The following GPC3 variants were observed in gnomAD, a reference collection of about 807,000 sequenced individuals.
GPC3 encodes glypican-3.
Under a neutral mutation model 34.4 loss-of-function variants are expected in GPC3, and 3 were observed. The ratio of observed to expected loss-of-function variants is 0.09; its 90% CI spans 0.04 to 0.23. The LOEUF is 0.23. Among genes scored for constraint, GPC3 ranks in the 10% least tolerant of loss-of-function variants. GPC3 has a pLI of 1.00. For synonymous variants in GPC3, 177 were observed against 174.0 expected (o/e 1.02, Z -0.13); for missense variants, 351 against 445.6 (o/e 0.79, Z 1.91).
chrX:133,872,002 G>A (rs1041328620), intron 2 of GPC3, among the ~76,000 whole-genome samples: 1 of 111,123 alleles, frequency 9.0e-6, no homozygotes, highest in Non-Finnish European at 1.9e-5. Flanking sequence ...GGAGTAGAGT[G>A]GCACAATCAT....
intron 2 of GPC3, among the ~76,000 whole-genome samples, chrX:133,889,831 C>CTTTTTTTTTTTTTTTTTT (rs781203121): frequency 2.6e-5 from 2 of 75,805 alleles, no homozygotes; most frequent in African/African-American, 9.6e-5. Flanking sequence ...TTCTAGCCTT[C>CTTTTTTTTTTTTTTTTTT]TTTTTTTTTT....
intron 5 of GPC3, among the ~76,000 whole-genome samples, chrX:133,667,411 T>C (rs963909550): frequency 3.6e-5 from 4 of 111,908 alleles, no homozygotes; most frequent in African/African-American, 1.3e-4. Context: ...AAGAGTTATG[T>C]TGGCAATCAC....
intron 2 of GPC3, among the ~76,000 whole-genome samples, chrX:133,929,151 T>A (rs1447653708): frequency 2.7e-5 from 3 of 111,920 alleles, no homozygotes; most frequent in African/African-American, 9.7e-5. Flanking sequence ...AATTTAATTC[T>A]TTTGCATGTG....
chrX:133,953,369 A>G (rs1017670483), intron 1 of GPC3, among the ~76,000 whole-genome samples, 158 bp from the exon 2 acceptor site: 1 of 110,525 alleles, frequency 9.0e-6, no homozygotes, highest in East Asian at 2.8e-4. Flanking sequence ...ATTATTCAAA[A>G]TTACGTTTCA....
chrX:133,872,094 C>T (rs955836599), intron 2 of GPC3, among the ~76,000 whole-genome samples: 3 of 111,617 alleles, frequency 2.7e-5, no homozygotes, highest in Non-Finnish European at 5.6e-5. Context: ...TAGGCATGCA[C>T]CACCACATCC....
At chrX:133,626,146 C>A (rs1412025240) in intron 6 of GPC3, among the ~76,000 whole-genome samples, 10 of 111,828 alleles carry the variant, frequency 8.9e-5, no homozygotes, top group Non-Finnish European at 1.7e-4. Context: ...CTTCCTTACA[C>A]CTTATACAAA....
chrX:133,651,180 T>C (rs957280162), intron 6 of GPC3, among the ~76,000 whole-genome samples: 1 of 110,249 alleles, frequency 9.1e-6, no homozygotes, highest in Non-Finnish European at 1.9e-5. Flanking sequence ...ATTTTTCTTT[T>C]TTCTTTTTTT....
intron 7 of GPC3, among the ~76,000 whole-genome samples, chrX:133,552,956 C>A (rs867179776): frequency 9.0e-6 from 1 of 111,511 alleles, no homozygotes; most frequent in Non-Finnish European, 1.9e-5. Context: ...CTCAAACTCA[C>A]GGCTATAAAG....
At chrX:133,627,935 A>C (rs1313262320) in intron 6 of GPC3, among the ~76,000 whole-genome samples, 2 of 112,228 alleles carry the variant, frequency 1.8e-5, no homozygotes, top group Non-Finnish European at 3.8e-5. Flanking sequence ...TTCTCTTTAC[A>C]AAGAGCCGCT....
chrX:133,791,314 A>G (rs2072157643), intron 2 of GPC3, among the ~76,000 whole-genome samples: 1 of 111,413 alleles, frequency 9.0e-6, no homozygotes, highest in African/African-American at 3.3e-5. Context: ...CCCAGACACC[A>G]CAGGTCTGCA....
intron 1 of GPC3, among the ~76,000 whole-genome samples, chrX:133,971,516 G>A (rs906630893): frequency 3.6e-5 from 4 of 111,584 alleles, no homozygotes; most frequent in African/African-American, 9.8e-5. Context: ...CAGAAGCTAC[G>A]GGGAAAGGAA....
chrX:133,881,551 A>C (rs775170613), intron 2 of GPC3, among the ~76,000 whole-genome samples: 83 of 112,677 alleles, frequency 7.4e-4, no homozygotes, highest in African/African-American at 2.4e-3. Flanking sequence ...AATGAAAACT[A>C]CTTAGCAGTT....
At chrX:133,669,968 C>A (rs988068219) in intron 5 of GPC3, among the ~76,000 whole-genome samples, 2 of 110,491 alleles carry the variant, frequency 1.8e-5, no homozygotes, top group African/African-American at 3.3e-5. Context: ...TTAGGGATTG[C>A]GGAGGGGGTT....
intron 6 of GPC3, among the ~76,000 whole-genome samples, chrX:133,645,444 C>T (rs1297923488): frequency 8.9e-6 from 1 of 112,106 alleles, no homozygotes; most frequent in Non-Finnish European, 1.9e-5. Flanking sequence ...ATTGAACACT[C>T]TGGCGAGAAA....
At chrX:133,555,241 C>A (rs910951235) in intron 7 of GPC3, among the ~76,000 whole-genome samples, 9 of 112,249 alleles carry the variant, frequency 8.0e-5, no homozygotes, top group African/African-American at 2.9e-4. Flanking sequence ...AAACTTGGTT[C>A]CCCCTTACAC....
chrX:133,545,559 T>C (rs1315641910), intron 7 of GPC3, among the ~76,000 whole-genome samples: 3 of 110,980 alleles, frequency 2.7e-5, no homozygotes, highest in East Asian at 2.8e-4. Flanking sequence ...GGGGAGCTAA[T>C]GTGGATTCTC....
At chrX:133,837,135 G>A (rs760435390) in intron 2 of GPC3, among the ~76,000 whole-genome samples, 27 of 111,608 alleles carry the variant, frequency 2.4e-4, no homozygotes, top group Non-Finnish European at 4.1e-4. Context: ...CCTGAGCTTG[G>A]GGTTCTCTTC....
At chrX:133,938,548 T>C (rs775873710) in intron 2 of GPC3, among the ~76,000 whole-genome samples, 14 of 112,015 alleles carry the variant, frequency 1.2e-4, no homozygotes, top group South Asian at 3.7e-4. Flanking sequence ...TCCTGCAATC[T>C]TATATACACT....
At chrX:133,749,132 G>A (rs1174556752) in intron 3 of GPC3, among the ~76,000 whole-genome samples, 3 of 111,378 alleles carry the variant, frequency 2.7e-5, no homozygotes, top group Non-Finnish European at 5.7e-5. Flanking sequence ...ATTATGGCAC[G>A]CGCCTGTAAT....
Sources: gnomAD v4.1 joint callset for allele counts (sites outside exome capture counted in the v4.1 genomes callset) on GRCh38, gnomAD v4.1.1 for gene constraint, MANE v1.5 for transcripts, NCBI Gene and HGNC (gene_info 2026-07-23, HGNC 2026-07-21) for gene names.